CBFB: variants seen among roughly 807,000 people sequenced by gnomAD.
CBFB encodes core-binding factor subunit beta, also known as CBF-beta.
In CBFB, 9 loss-of-function variants were observed where a neutral mutation model predicts 30.4. The observed-to-expected ratio is 0.30, with a 90% CI of 0.18 to 0.52. The LOEUF (loss-of-function observed/expected upper bound fraction) is 0.52. Ranked by LOEUF, CBFB falls within the 20% of genes least tolerant of loss-of-function variation. CBFB has a pLI of 0.97. For missense variants in CBFB, 170 were observed against 244.0 expected, an observed-to-expected ratio of 0.70 and a Z score of 2.02; for synonymous variants, 94 against 84.0, an observed-to-expected ratio of 1.12 and a Z score of -0.65.
rs1401551867 is a variant in CBFB at position 67,099,379 on chromosome 16, G to A, written c.*601G>A. 1.8e-5 allele frequency: 4 copies of A among 217,390 alleles called. No homozygotes were observed. Among genetic ancestry groups the A allele is most frequent in the Admixed American group, 5.8e-5 (1 of 17,158 alleles). The allele number at this position is 217,390 out of a possible 1,614,324, so 13.5% of individuals were successfully genotyped here. On this transcript the variant is annotated 3_prime_UTR_variant, in exon 6 of 6. Coordinates refer to ENST00000412916, the MANE Select transcript of CBFB (RefSeq NM_022845.3). ...TCTGACAAAGTTTACAGTTATTAAAGTTGCAGTATCCTTTTAAATGCTAGT... is the reference window on the plus strand; with the variant it reads ...TCTGACAAAGTTTACAGTTATTAAAATTGCAGTATCCTTTTAAATGCTAGT...
intron 4 of CBFB, among the ~76,000 whole-genome samples, chr16:67,076,028 G>C (rs549419285): frequency 2.0e-5 from 3 of 152,144 alleles, no homozygotes; most frequent in Non-Finnish European, 2.9e-5. Context: ...TCAGGAGTTC[G>C]AGACCACCTT....
intron 1 of CBFB, 120 bp downstream of exon 1, chr16:67,029,605 T>A: frequency 4.6e-6 from 6 of 1,313,974 alleles, no homozygotes; most frequent in Non-Finnish European, 6.3e-6. Flanking sequence ...GGAGGGGCAA[T>A]CTCGCCGGGG....
At chr16:67,083,344 G>T (rs1285817671) in intron 5 of CBFB, among the ~76,000 whole-genome samples, 1 of 149,408 alleles carries the variant, frequency 6.7e-6, no homozygotes, top group Admixed American at 6.7e-5. Flanking sequence ...CGCCCAGGCT[G>T]GAGTACAGTA....
chr16:67,085,924 C>A (rs1009562159), intron 5 of CBFB, among the ~76,000 whole-genome samples: 2 of 151,784 alleles, frequency 1.3e-5, no homozygotes, highest in East Asian at 3.9e-4. Flanking sequence ...GTGATCTGCC[C>A]GCCTTGGCCT....
intron 2 of CBFB, among the ~76,000 whole-genome samples, chr16:67,031,783 G>A (rs1234806488): frequency 6.6e-6 from 1 of 151,510 alleles, no homozygotes; most frequent in Non-Finnish European, 1.5e-5. Context: ...AAAGTGCTGG[G>A]ATTACAGGTG....
At chr16:67,030,070 G>T (rs1966308581) in intron 2 of CBFB, 1 of 425,272 alleles carries the variant, frequency 2.4e-6, no homozygotes, top group South Asian at 4.4e-5. Context: ...ACCCGAGCCA[G>T]ACTAAACAAG....
Position 67,029,761 on chromosome 16 carries a change from A to AGGAACGCCAGGCACGCTTCC in CBFB, c.114_133dup (p.Gln45ArgfsTer51). The AGGAACGCCAGGCACGCTTCC allele has an allele frequency of 6.3e-7, 1 of 1,596,538 alleles. No homozygotes were observed. Among genetic ancestry groups the AGGAACGCCAGGCACGCTTCC allele is most frequent in the Non-Finnish European group, 8.5e-7 (1 of 1,173,136 alleles). On this transcript the variant is annotated frameshift_variant, in exon 2 of 6. Transcript: ENST00000412916. LOFTEE classifies it high-confidence loss of function. Reference sequence around the variant, plus strand: ...ACGGGCTTCAGGGACCGGCCCCACGAGGAACGCCAGGCACGCTTCCAGAAC... The same window carrying AGGAACGCCAGGCACGCTTCC: ...ACGGGCTTCAGGGACCGGCCCCACGAGGAACGCCAGGCACGCTTCCGGAACGCCAGGCACGCTTCCAGAAC...
At chr16:67,071,706 A>G (rs1310634532) in intron 4 of CBFB, among the ~76,000 whole-genome samples, 2 of 152,204 alleles carry the variant, frequency 1.3e-5, no homozygotes, top group African/African-American at 2.4e-5. Flanking sequence ...TGCCCACAAG[A>G]TTGTGGGCAG....
intron 3 of CBFB, among the ~76,000 whole-genome samples, chr16:67,040,821 T>C (rs1268386865): frequency 6.6e-6 from 1 of 152,170 alleles, no homozygotes; most frequent in Non-Finnish European, 1.5e-5. Context: ...AGGAAGATCA[T>C]ACCTGAACCA....
intron 3 of CBFB, among the ~76,000 whole-genome samples, chr16:67,042,594 G>T (rs1019090651): frequency 6.6e-6 from 1 of 151,598 alleles, no homozygotes; most frequent in Non-Finnish European, 1.5e-5. Context: ...TCTCTCATGA[G>T]GTTGCAGTCA....
chr16:67,032,079 T>C (rs973233819), intron 2 of CBFB, among the ~76,000 whole-genome samples: 2 of 152,210 alleles, frequency 1.3e-5, no homozygotes, highest in African/African-American at 4.8e-5. Flanking sequence ...TTTTCTGTCA[T>C]CTCAGACTTT....
intron 3 of CBFB, among the ~76,000 whole-genome samples, chr16:67,062,515 G>A (rs1007584387): frequency 6.6e-5 from 10 of 151,486 alleles, no homozygotes; most frequent in African/African-American, 2.2e-4. Context: ...TAAGCTGGCC[G>A]GTGCGGTGGC....
chr16:67,067,056 A>C, intron 4 of CBFB: 1 of 246,330 alleles, frequency 4.1e-6, no homozygotes, highest in Non-Finnish European at 7.9e-6. Flanking sequence ...TAGCTCTTTA[A>C]AATATTTATT....
intron 3 of CBFB, among the ~76,000 whole-genome samples, chr16:67,057,002 A>G (rs1960747923): frequency 6.6e-6 from 1 of 151,472 alleles, no homozygotes; most frequent in African/African-American, 2.4e-5. Context: ...TTTATTTTTG[A>G]GATGGAGTCT....
chr16:67,066,050 T>C (rs1417841107), intron 3 of CBFB, among the ~76,000 whole-genome samples: 1 of 151,838 alleles, frequency 6.6e-6, no homozygotes, highest in Non-Finnish European at 1.5e-5. Flanking sequence ...GCAGTAGAAA[T>C]CAACTCTGGC....
At chr16:67,081,914 G>A (rs1416456220) in intron 4 of CBFB, among the ~76,000 whole-genome samples, 1 of 149,530 alleles carries the variant, frequency 6.7e-6, no homozygotes, top group Admixed American at 6.7e-5. Flanking sequence ...TTCACCTCCT[G>A]GGTTTTAAGC....
intron 4 of CBFB, 80 bp from the exon 5 acceptor site, chr16:67,082,129 GAAAA>G (rs36017652): frequency 1.7e-4 from 144 of 864,342 alleles, no homozygotes; most frequent in East Asian, 4.4e-4. Context: ...ACTGTTTCAG[GAAAA>G]AAAAAAAAAA....
At chr16:67,060,483 C>G (rs547635272) in intron 3 of CBFB, among the ~76,000 whole-genome samples, 1 of 152,306 alleles carries the variant, frequency 6.6e-6, no homozygotes, top group Admixed American at 6.5e-5. Flanking sequence ...CTGGCAACTA[C>G]TTATCTCCTT....
chr16:67,071,909 C>G (rs1251354040), intron 4 of CBFB, among the ~76,000 whole-genome samples: 2 of 152,176 alleles, frequency 1.3e-5, no homozygotes, highest in African/African-American at 4.8e-5. Flanking sequence ...AGCCCTCTTT[C>G]ACTGGGCTGG....
Sources: allele counts gnomAD v4.1 joint callset (sites outside exome capture counted in the v4.1 genomes callset), GRCh38; gene constraint gnomAD v4.1.1; transcripts MANE v1.5; gene names NCBI Gene and HGNC (gene_info 2026-07-23, HGNC 2026-07-21).